The following CC2D2A variants were observed in gnomAD, a reference collection of about 807,000 sequenced individuals.
CC2D2A encodes the protein coiled-coil and C2 domain-containing protein 2A.
CC2D2A carries 155 observed loss-of-function variants against 212.9 expected under a neutral mutation model. The ratio of observed to expected loss-of-function variants is 0.73; its 90% CI spans 0.64 to 0.83. The LOEUF (loss-of-function observed/expected upper bound fraction) is 0.83. CC2D2A is among the 40% of genes least tolerant of loss of function. The pLI, the probability that CC2D2A is intolerant of heterozygous loss-of-function variation, is 0.00. For missense variants in CC2D2A, 1,856 were observed against 1,956.2 expected (o/e 0.95, Z 0.97); for synonymous variants, 667 against 686.5 (o/e 0.97, Z 0.44).
At chr4:15,516,109 G>C in intron 10 of CC2D2A, 105 bp downstream of exon 10, 1 of 1,181,072 alleles carries the variant, frequency 8.5e-7, no homozygotes, top group Non-Finnish European at 1.1e-6. Context: ...ATTTCCTCTT[G>C]AGGTTATCCA....
intron 1 of CC2D2A, among the ~76,000 whole-genome samples, chr4:15,472,827 T>G (rs917592302): frequency 4.6e-5 from 7 of 152,208 alleles, no homozygotes; most frequent in African/African-American, 1.7e-4. Context: ...GTGATGAGGT[T>G]TGTAGAGAAG....
At chr4:15,595,697 G>T (rs73237200) in intron 33 of CC2D2A, among the ~76,000 whole-genome samples, 1 of 152,162 alleles carries the variant, frequency 6.6e-6, no homozygotes, top group Non-Finnish European at 1.5e-5. Flanking sequence ...CAGAGAATGC[G>T]CATTGCTGTG....
chr4:15,600,522 T>C (rs1030518332), intron 36 of CC2D2A, among the ~76,000 whole-genome samples: 2 of 152,140 alleles, frequency 1.3e-5, no homozygotes, highest in African/African-American at 2.4e-5. Context: ...TCACGTGCCA[T>C]TATTCCTAAC....
Position 15,517,457 on chromosome 4 carries a change from A to G in CC2D2A, c.1149+701A>G, listed in dbSNP as rs571691907. 5.3e-5 allele frequency among the ~76,000 whole-genome samples: 8 copies of G among 152,034 alleles called. No individual in the cohort carries two copies. In the South Asian group the frequency reaches 1.0e-3, roughly 20 times the overall value. ...GTTTCTATCCTTGCAAATCCTTTAT[A>G]TTGTATTTTCCTAAGTCTGGTAACA... On this transcript the variant is annotated intron_variant, in intron 11 of 36. Coordinates refer to ENST00000424120, the MANE Select transcript of CC2D2A (RefSeq NM_001378615.1).
intron 4 of CC2D2A, among the ~76,000 whole-genome samples, chr4:15,496,111 C>T (rs146833600): frequency 1.8e-3 from 274 of 152,164 alleles, no homozygotes; most frequent in African/African-American, 6.4e-3. Flanking sequence ...AATTAAGTTC[C>T]TTATAGGTTC....
rs1048992956 is a variant in CC2D2A at position 15,579,890 on chromosome 4, A to T, written c.3772-78A>T. On this transcript the variant is annotated intron_variant, in intron 29 of 36. Coordinates refer to ENST00000424120, the MANE Select transcript of CC2D2A (RefSeq NM_001378615.1). ...TATTCCCAAACCATACATTTCCTGC[A>T]TGTTGACTGTGGAATCTGAACACGT... 54 of 1,123,592 alleles carry T rather than the reference A, an allele frequency of 4.8e-5. No homozygotes were observed. In the Middle Eastern group the frequency reaches 8.9e-4, roughly 18 times the overall value. The allele number at this position is 1,123,592 out of a possible 1,614,324, so 69.6% of individuals were successfully genotyped here. A position where few individuals can be genotyped will look rare whatever the true frequency, so the allele number is the denominator to read the frequency against.
rs1718231184 is a variant in CC2D2A, at chr4:15,538,057, C to T, written c.1923C>T (p.Ser641=). Residue 641 remains serine, a synonymous_variant, in exon 16 of 37, where the codon AGC becomes AGT. Coordinates refer to ENST00000424120, the MANE Select transcript of CC2D2A (RefSeq NM_001378615.1). ...AGGTGAGGGAGAGAGCAGCCCAGAG[C>T]AGGAGGAGGCCTTGGGAGCCCACGC... is the stretch of plus-strand genomic sequence containing the variant. ...EQEVRERAAQ[S]RRRPWEPTLV... The T allele has an allele frequency of 6.2e-7, 1 of 1,607,844 alleles. No homozygotes were observed. Among genetic ancestry groups the T allele is most frequent in the African/African-American group, 1.3e-5 (1 of 74,798 alleles).
intron 33 of CC2D2A, among the ~76,000 whole-genome samples, 154 bp downstream of exon 33, chr4:15,589,833 A>G (rs1055063322): frequency 4.6e-5 from 7 of 150,666 alleles, no homozygotes; most frequent in Non-Finnish European, 1.0e-4. Flanking sequence ...AAAGAAATGC[A>G]GTGTCAAGCA....
At chr4:15,547,426 A>G (rs550821161) in intron 17 of CC2D2A, among the ~76,000 whole-genome samples, 2 of 152,290 alleles carry the variant, frequency 1.3e-5, no homozygotes, top group South Asian at 2.1e-4. Flanking sequence ...CTATATTTCT[A>G]TACCATTAAC....
intron 6 of CC2D2A, among the ~76,000 whole-genome samples, chr4:15,509,525 C>T (rs1210907344): frequency 5.9e-5 from 9 of 152,166 alleles, no homozygotes; most frequent in Non-Finnish European, 1.3e-4. Context: ...CTGCCCACCT[C>T]GGCCTCCCAA....
chr4:15,590,477 T>C (rs1285002458), intron 33 of CC2D2A, among the ~76,000 whole-genome samples: 1 of 152,194 alleles, frequency 6.6e-6, no homozygotes, highest in African/African-American at 2.4e-5. Context: ...ATGGAGCCAC[T>C]GCATTCCATC....
chr4:15,535,189 T>A (rs1433519514), intron 14 of CC2D2A, among the ~76,000 whole-genome samples: 3 of 152,100 alleles, frequency 2.0e-5, no homozygotes, highest in Admixed American at 6.6e-5. Context: ...TCCCAGAAAT[T>A]CCAGTGTTTG....
Position 15,516,720 on chromosome 4 carries a change from G to A in CC2D2A, c.1113G>A (p.Gln371=). 1 of 1,613,274 alleles carries A rather than the reference G, an allele frequency of 6.2e-7. No individual in the cohort carries two copies. The change falls in exon 11 of 37, where the codon CAG becomes CAA. Residue 371 remains glutamine, a synonymous_variant. Transcript: ENST00000424120. ...PSRPPVLTQE[Q]SIKAELETLY... is the part of the protein sequence containing the mutation. Reference sequence around the variant, plus strand: ...GGCCGCCAGTACTAACACAGGAGCAGAGCATTAAGGCAGAGCTTGAAACAC... The same window carrying A: ...GGCCGCCAGTACTAACACAGGAGCAAAGCATTAAGGCAGAGCTTGAAACAC...
At chr4:15,470,697 ATATAT>A (rs1560383248) in intron 1 of CC2D2A, among the ~76,000 whole-genome samples, 8 of 36,598 alleles carry the variant, frequency 2.2e-4, no homozygotes, top group African/African-American at 9.9e-4. Context: ...CTCTATATAT[ATATAT>A]ATATATATAT....
chr4:15,527,345 G>A (rs1328711304), intron 11 of CC2D2A, 102 bp from the exon 12 acceptor site: 1 of 780,990 alleles, frequency 1.3e-6, no homozygotes, highest in Admixed American at 2.2e-5. Context: ...GTCCAGGATA[G>A]GAGGTATTTT....
At chr4:15,567,570 T>C in intron 25 of CC2D2A, 88 bp downstream of exon 25, 4 of 1,351,898 alleles carry the variant, frequency 3.0e-6, no homozygotes, top group Non-Finnish European at 4.1e-6. Context: ...TGCTCTCTGC[T>C]TCATTTTCTT....
At chr4:15,496,861 G>A (rs1331948721) in intron 4 of CC2D2A, among the ~76,000 whole-genome samples, 1 of 152,124 alleles carries the variant, frequency 6.6e-6, no homozygotes, top group Admixed American at 6.6e-5. Context: ...AACCAGGAAG[G>A]TAAAAGATCT....
At chr4:15,509,764 G>C (rs10007081) in intron 6 of CC2D2A, among the ~76,000 whole-genome samples, 1 of 152,024 alleles carries the variant, frequency 6.6e-6, no homozygotes, top group South Asian at 2.1e-4. Flanking sequence ...ATTGTGTGAA[G>C]GTACCTACAC....
In CC2D2A at chr4:15,563,514, G is replaced by A. The variant is rs769474903; in HGVS notation, c.3174G>A (p.Pro1058=). ...CTTACGACATTCCAGTGAGGAAGCC[G>A]GCAGTGAGGTGAGAGCCCTCCCAAC... ...VRAYDIPVRK[P]AVSKFQQPSR... Residue 1058 remains proline (P), a synonymous_variant, in exon 24 of 37, where the codon CCG becomes CCA. Coordinates refer to ENST00000424120, the MANE Select transcript of CC2D2A (RefSeq NM_001378615.1). 13 of 1,611,372 alleles carry A rather than the reference G, an allele frequency of 8.1e-6. No homozygotes were observed. The highest frequency in any genetic ancestry group is 4.5e-5 in the East Asian group (2 of 44,740).
Sources: gnomAD v4.1 joint callset for allele counts (sites outside exome capture counted in the v4.1 genomes callset) on GRCh38, gnomAD v4.1.1 for gene constraint, MANE v1.5 for transcripts, NCBI Gene and HGNC (gene_info 2026-07-23, HGNC 2026-07-21) for gene names.